The following PRKAR1B variants were observed in gnomAD, a reference collection of about 807,000 sequenced individuals.
PRKAR1B encodes cAMP-dependent protein kinase type I-beta regulatory subunit.
PRKAR1B carries 22 observed loss-of-function variants against 46.5 expected under a neutral mutation model. The observed-to-expected ratio is 0.47, with a 90% CI of 0.34 to 0.68. The LOEUF (loss-of-function observed/expected upper bound fraction) is 0.68. Among genes scored for constraint, PRKAR1B ranks in the 30% least tolerant of loss-of-function variants. PRKAR1B has a pLI of 0.01. For synonymous variants in PRKAR1B, 259 were observed against 217.7 expected (o/e 1.19, Z -1.67); for missense variants, 445 against 535.6 (o/e 0.83, Z 1.67).
At chr7:623,820 T>C (rs1421288651) in intron 4 of PRKAR1B, among the ~76,000 whole-genome samples, 4 of 152,174 alleles carry the variant, frequency 2.6e-5, no homozygotes, top group African/African-American at 9.7e-5. Flanking sequence ...TTCTTGGCAT[T>C]GGAGAGAGAA....
intron 6 of PRKAR1B, among the ~76,000 whole-genome samples, chr7:599,768 G>A (rs1781487497): frequency 6.6e-6 from 1 of 151,538 alleles, no homozygotes; most frequent in Non-Finnish European, 1.5e-5. Flanking sequence ...CCAGGAGCTG[G>A]GGGAGGCACA....
At chr7:610,589 G>C (rs1313372156) in intron 4 of PRKAR1B, among the ~76,000 whole-genome samples, 1 of 152,110 alleles carries the variant, frequency 6.6e-6, no homozygotes, top group Non-Finnish European at 1.5e-5. Context: ...CCAGCTCATC[G>C]CCGACAAAGG....
At chr7:658,705 C>T (rs1348663997) in intron 4 of PRKAR1B, among the ~76,000 whole-genome samples, 1 of 152,096 alleles carries the variant, frequency 6.6e-6, no homozygotes, top group African/African-American at 2.4e-5. Flanking sequence ...GGCTGGAGTG[C>T]AGTGGTGCAT....
chr7:572,967 C>A (rs765916663), intron 9 of PRKAR1B, among the ~76,000 whole-genome samples: 2 of 152,220 alleles, frequency 1.3e-5, no homozygotes, highest in Non-Finnish European at 2.9e-5. Flanking sequence ...GAAAAACAAA[C>A]GGCGGCCACG....
At chr7:589,578 G>C (rs1039971018) in intron 7 of PRKAR1B, among the ~76,000 whole-genome samples, 1 of 152,256 alleles carries the variant, frequency 6.6e-6, no homozygotes, top group Admixed American at 6.5e-5. Flanking sequence ...AGAGGCTCAG[G>C]GTCGGTGTGG....
At chr7:651,621 C>G (rs1431708900) in intron 4 of PRKAR1B, among the ~76,000 whole-genome samples, 1 of 151,930 alleles carries the variant, frequency 6.6e-6, no homozygotes, top group Non-Finnish European at 1.5e-5. Flanking sequence ...TGTCAGAAGA[C>G]AGTTCACACC....
chr7:665,500 G>A (rs180970569), intron 4 of PRKAR1B, among the ~76,000 whole-genome samples: 2 of 152,280 alleles, frequency 1.3e-5, no homozygotes, highest in Middle Eastern at 3.4e-3. Context: ...TTCAGCCTCC[G>A]TTGAATTCAG....
At chr7:706,861 G>T (rs1349772448) in intron 2 of PRKAR1B, among the ~76,000 whole-genome samples, 1 of 152,204 alleles carries the variant, frequency 6.6e-6, no homozygotes, top group African/African-American at 2.4e-5. Flanking sequence ...TATCCCAGGT[G>T]CTTTATGAAA....
rs755151489 is a variant in PRKAR1B, at chr7:677,297, G to C, written c.372C>G (p.Thr124=). Residue 124 remains threonine (T), a synonymous_variant, in exon 4 of 11, where the codon ACC becomes ACG. Transcript: ENST00000537384. Reference sequence around the variant, plus strand: ...AGATGGCCTTGGCCAGCGCAGTCATGGTTTTGTAGTCCTTGGGAATCACCT... The same window carrying C: ...AGATGGCCTTGGCCAGCGCAGTCATCGTTTTGTAGTCCTTGGGAATCACCT... ...VRKVIPKDYK[T]MTALAKAISK... 7.4e-6 allele frequency: 12 copies of C among 1,614,256 alleles called. No individual in the cohort carries two copies. Among genetic ancestry groups the C allele is most frequent in the Non-Finnish European group, 1.0e-5 (12 of 1,180,042 alleles).
At chr7:564,519 G>C (rs1226264534) in intron 9 of PRKAR1B, among the ~76,000 whole-genome samples, 6 of 152,354 alleles carry the variant, frequency 3.9e-5, no homozygotes, top group Non-Finnish European at 8.8e-5. Context: ...TCTCCACGTG[G>C]GCAGTCACAC....
chr7:636,451 CT>C (rs1784112297), intron 4 of PRKAR1B, among the ~76,000 whole-genome samples: 1 of 150,430 alleles, frequency 6.6e-6, no homozygotes, highest in Admixed American at 6.6e-5. Context: ...CCCTCACGTC[CT>C]CCACCGGACT....
chr7:624,889 C>G (rs1385502786), intron 4 of PRKAR1B, among the ~76,000 whole-genome samples: 1 of 152,204 alleles, frequency 6.6e-6, no homozygotes, highest in African/African-American at 2.4e-5. Flanking sequence ...CATAGATTAA[C>G]TGAATGGCAC....
chr7:612,132 G>C (rs548534341), intron 4 of PRKAR1B, among the ~76,000 whole-genome samples: 1 of 146,668 alleles, frequency 6.8e-6, no homozygotes, highest in African/African-American at 2.5e-5. Flanking sequence ...TTAATGGATG[G>C]ATGGATGGAT....
chr7:658,485 A>T (rs1785326349), intron 4 of PRKAR1B, among the ~76,000 whole-genome samples: 1 of 152,150 alleles, frequency 6.6e-6, no homozygotes, highest in South Asian at 2.1e-4. Flanking sequence ...AGACAAAATG[A>T]TCTGATGGCT....
chr7:656,550 G>A (rs1253554258), intron 4 of PRKAR1B, among the ~76,000 whole-genome samples: 1 of 152,034 alleles, frequency 6.6e-6, no homozygotes, highest in Non-Finnish European at 1.5e-5. Context: ...ATGGATGAGT[G>A]AGGGAATGGA....
chr7:693,234 C>A (rs370880720), intron 2 of PRKAR1B, among the ~76,000 whole-genome samples: 17 of 145,766 alleles, frequency 1.2e-4, no homozygotes, highest in Admixed American at 4.1e-4. Context: ...TGGGTCCTGT[C>A]GAGCTTTTTT....
chr7:620,016 A>AC (rs1486955012), intron 4 of PRKAR1B, among the ~76,000 whole-genome samples: 2 of 98,322 alleles, frequency 2.0e-5, no homozygotes, highest in African/African-American at 6.9e-5. Context: ...ATACCCAGCT[A>AC]CTTTTTTTTT....
chr7:718,599 C>A (rs1419014664), intron 1 of PRKAR1B, among the ~76,000 whole-genome samples: 1 of 151,902 alleles, frequency 6.6e-6, no homozygotes, highest in Non-Finnish European at 1.5e-5. Context: ...TCAGGTGATC[C>A]ACCCGCCTCA....
chr7:642,308 C>T (rs532539051), intron 4 of PRKAR1B, among the ~76,000 whole-genome samples: 13 of 152,256 alleles, frequency 8.5e-5, no homozygotes, highest in African/African-American at 1.2e-4. Context: ...ATGATGGAAA[C>T]GCTCTAAAAT....
Sources: allele counts gnomAD v4.1 joint callset (sites outside exome capture counted in the v4.1 genomes callset), GRCh38; gene constraint gnomAD v4.1.1; transcripts MANE v1.5; gene names NCBI Gene and HGNC (gene_info 2026-07-23, HGNC 2026-07-21).